Variants in VTCN1 observed in about 807,000 individuals in gnomAD.
The protein encoded by VTCN1 is V-set domain-containing T-cell activation inhibitor 1.
VTCN1 carries 26 observed loss-of-function variants against 26.5 expected under a neutral mutation model. The observed-to-expected ratio is 0.98, with a 90% CI of 0.72 to 1.36. The LOEUF (loss-of-function observed/expected upper bound fraction) is 1.36. VTCN1 is among the 40% of genes most tolerant of loss of function. The pLI is 0.00. For synonymous variants in VTCN1, 116 were observed against 130.7 expected (o/e 0.89, Z 0.77); for missense variants, 298 against 337.7 (o/e 0.88, Z 0.92).
intron 1 of VTCN1, among the ~76,000 whole-genome samples, chr1:117,205,141 T>TA: frequency 1.0e-4 from 4 of 39,946 alleles, no homozygotes; most frequent in Non-Finnish European, 3.5e-4. Context: ...CATATATATA[T>TA]TTTTATATAT....
chr1:117,203,566 T>TGGCAGAAGCA, intron 1 of VTCN1: 1 of 973,880 alleles, frequency 1.0e-6, no homozygotes, highest in Non-Finnish European at 1.2e-6. Context: ...AGGCAGATGG[T>TGGCAGAAGCA]TTGGGATTGT....
intron 1 of VTCN1, among the ~76,000 whole-genome samples, chr1:117,208,214 G>A (rs1649195311): frequency 6.6e-6 from 1 of 152,190 alleles, no homozygotes; most frequent in African/African-American, 2.4e-5. Flanking sequence ...ATAATACACA[G>A]TAGTGTGTAG....
chr1:117,205,237 A>G (rs954155150), intron 1 of VTCN1, among the ~76,000 whole-genome samples: 3 of 151,220 alleles, frequency 2.0e-5, no homozygotes, highest in Non-Finnish European at 4.4e-5. Flanking sequence ...GCTCACTGCA[A>G]CCTTAACCTC....
chr1:117,193,734 C>T (rs1408357416), intron 1 of VTCN1, among the ~76,000 whole-genome samples: 1 of 152,028 alleles, frequency 6.6e-6, no homozygotes, highest in African/African-American at 2.4e-5. Flanking sequence ...CTCAATAATT[C>T]TACAGACAAA....
chr1:117,192,104 T>C (rs1171675610), intron 1 of VTCN1, among the ~76,000 whole-genome samples: 1 of 151,802 alleles, frequency 6.6e-6, no homozygotes, highest in East Asian at 1.9e-4. Flanking sequence ...CACATTATAA[T>C]AAAATAAAAT....
At chr1:117,160,720 TTTGTTG>T (rs546904269) in intron 2 of VTCN1, among the ~76,000 whole-genome samples, 2 of 152,114 alleles carry the variant, frequency 1.3e-5, no homozygotes, top group Non-Finnish European at 2.9e-5. Context: ...AGCAGACGTG[TTTGTTG>T]TTGTTGTTGT....
intron 1 of VTCN1, among the ~76,000 whole-genome samples, chr1:117,188,931 A>C (rs950781838): frequency 6.6e-6 from 1 of 152,226 alleles, no homozygotes; most frequent in Non-Finnish European, 1.5e-5. Context: ...TATATAAGTA[A>C]AAAATAGTTT....
chr1:117,163,505 G>T (rs1652472128), intron 2 of VTCN1, among the ~76,000 whole-genome samples: 1 of 152,116 alleles, frequency 6.6e-6, no homozygotes, highest in Non-Finnish European at 1.5e-5. Context: ...GCAGATCAGA[G>T]CCCCAGGAGG....
At chr1:117,202,228 G>C (rs1409742148) in intron 1 of VTCN1, among the ~76,000 whole-genome samples, 1 of 152,188 alleles carries the variant, frequency 6.6e-6, no homozygotes, top group African/African-American at 2.4e-5. Context: ...TATAGGAAAT[G>C]GATGAAAGGG....
rs537392539 is a variant in VTCN1 at position 117,174,912 on chromosome 1, G to A, written c.33-4741C>T. ...GTATTATTTCTGCTGCACTGGGGGT[G>A]CAGGGGGTCAGGATCTAAGCATTGC... On this transcript the variant is annotated intron_variant, in intron 1 of 5. Transcript: ENST00000369458. Among the ~76,000 whole-genome samples, 4 of 152,334 alleles carry A rather than the reference G, an allele frequency of 2.6e-5. No homozygotes were observed. The South Asian group carries it at 8.3e-4, about 32-fold the overall frequency.
intron 1 of VTCN1, among the ~76,000 whole-genome samples, chr1:117,209,553 C>A (rs1353604130): frequency 2.0e-5 from 3 of 152,184 alleles, no homozygotes; most frequent in African/African-American, 7.2e-5. Flanking sequence ...CTCTAAGACA[C>A]CTAGTGCAGG....
At chr1:117,173,250 T>C in intron 1 of VTCN1, 3 of 705,280 alleles carry the variant, frequency 4.3e-6, no homozygotes, top group Non-Finnish European at 2.6e-6. Context: ...AGGAATAAAT[T>C]CCGGACACAA....
chr1:117,170,704 T>TA (rs1652864177), intron 1 of VTCN1, among the ~76,000 whole-genome samples: 4 of 152,028 alleles, frequency 2.6e-5, no homozygotes, highest in Admixed American at 2.6e-4. Flanking sequence ...TTTCTTTTAT[T>TA]AAAAAAACAA....
rs1570956996 is a variant in VTCN1, at chr1:117,169,991, A to G, written c.97+116T>C. The G allele has an allele frequency of 3.2e-6, 3 of 924,772 alleles. No homozygotes were observed. In the East Asian group the frequency reaches 7.3e-5, roughly 22 times the overall value. 57.3% of individuals were successfully genotyped at this position (924,772 alleles called of 1,614,324 possible). A position where few individuals can be genotyped will look rare whatever the true frequency, so the allele number is the denominator to read the frequency against. On this transcript the variant is annotated intron_variant, in intron 2 of 5. Coordinates refer to ENST00000369458, the MANE Select transcript of VTCN1 (RefSeq NM_024626.4). The surrounding 1 kb of genome is among the most constrained non-coding windows in gnomAD (Gnocchi z 4.0). ...CACAAGAAGTAGAAGAATGAATGCT[A>G]TACTCTGAGGTTTTCTGGGTCAAAG...
Position 117,210,840 on chromosome 1 carries a change from G to T in VTCN1, c.16C>A (p.Gln6Lys). 2 of 1,614,134 alleles carry T rather than the reference G, an allele frequency of 1.2e-6. No homozygotes were observed. Among genetic ancestry groups the T allele is most frequent in the Admixed American group, 1.7e-5 (1 of 60,022 alleles). ...ATATACTACCTCCAGAAGAGGATCTGCCCCAGGGAAGCCATGGCTGGGGAA... is the reference window on the plus strand; with the variant it reads ...ATATACTACCTCCAGAAGAGGATCTTCCCCAGGGAAGCCATGGCTGGGGAA... The part of the protein sequence containing the change: MASLG[Q>K]ILFWSIISII... Residue 6 changes from glutamine (Q) to lysine (K), a missense_variant, in exon 1 of 6, where the codon CAG becomes AAG. Gln to Lys is a moderately conservative substitution (Grantham distance 53). Transcript: ENST00000369458.
At chr1:117,151,636 G>C (rs892628367) in intron 4 of VTCN1, among the ~76,000 whole-genome samples, 1 of 149,806 alleles carries the variant, frequency 6.7e-6, no homozygotes, top group Non-Finnish European at 1.5e-5. Flanking sequence ...CCTTTAGCTA[G>C]ACAGAGTGCT....
At chr1:117,178,553 G>A (rs1326338159) in intron 1 of VTCN1, among the ~76,000 whole-genome samples, 4 of 144,804 alleles carry the variant, frequency 2.8e-5, no homozygotes, top group East Asian at 2.1e-4. Flanking sequence ...CCACTGCACC[G>A]CACCTGGCCT....
chr1:117,188,101 A>G (rs530772871), intron 1 of VTCN1, among the ~76,000 whole-genome samples: 1 of 152,288 alleles, frequency 6.6e-6, no homozygotes, highest in Non-Finnish European at 1.5e-5. Flanking sequence ...ACACACAAAT[A>G]CAAAGCTTAA....
Position 117,145,933 on chromosome 1 carries a change from C to T in VTCN1, c.*46-708G>A, listed in dbSNP as rs1651482595. Among the ~76,000 whole-genome samples, 1 of 152,142 alleles carries T rather than the reference C, an allele frequency of 6.6e-6. No homozygotes were observed. Among genetic ancestry groups the T allele is most frequent in the South Asian group, 2.1e-4 (1 of 4,830 alleles). ...ACAGGTGTGAGCCACCATGCCCAGC[C>T]TTACTCATTTACTTTAAAAAATCTA... is the stretch of plus-strand genomic sequence containing the variant. On this transcript the variant is annotated intron_variant, in intron 5 of 5. Coordinates refer to ENST00000369458, the MANE Select transcript of VTCN1 (RefSeq NM_024626.4). This position sits in a 1 kb window ranked among gnomAD's most constrained non-coding sequence, Gnocchi z 4.6.
Sources: allele counts gnomAD v4.1 joint callset (sites outside exome capture counted in the v4.1 genomes callset), GRCh38; gene constraint gnomAD v4.1.1; non-coding constraint Gnocchi (gnomAD v3.1); transcripts MANE v1.5; gene names NCBI Gene and HGNC (gene_info 2026-07-23, HGNC 2026-07-21).